The following DDX27 variants were observed in gnomAD, a reference collection of about 807,000 sequenced individuals.
DDX27 encodes the protein probable ATP-dependent RNA helicase DDX27.
DDX27 carries 42 observed loss-of-function variants against 99.3 expected under a neutral mutation model. That is an observed-to-expected ratio of 0.42 (90% CI 0.33 to 0.55). The LOEUF is 0.55. DDX27 is among the 20% of genes least tolerant of loss of function. The pLI, the probability that DDX27 is intolerant of heterozygous loss-of-function variation, is 0.07. For synonymous variants in DDX27, 329 were observed against 353.8 expected (o/e 0.93, Z 0.79); for missense variants, 798 against 976.8 (o/e 0.82, Z 2.44).
intron 7 of DDX27, among the ~76,000 whole-genome samples, chr20:49,227,491 C>G (rs929001876): frequency 1.3e-5 from 2 of 150,898 alleles, no homozygotes; most frequent in African/African-American, 4.9e-5. Flanking sequence ...CTCAGCCTCC[C>G]CAGTAGCTGG....
intron 9 of DDX27, 81 bp from the exon 10 acceptor site, chr20:49,233,225 C>G: frequency 2.1e-6 from 2 of 940,770 alleles, no homozygotes; most frequent in Non-Finnish European, 3.4e-6. Flanking sequence ...CAACAAACAG[C>G]AGCCGGTATG....
At chr20:49,230,382 T>G (rs777347406) in intron 9 of DDX27, 33 bp downstream of exon 9, 1 of 1,587,754 alleles carries the variant, frequency 6.3e-7, no homozygotes, top group South Asian at 1.1e-5. Flanking sequence ...CAGGGCACTG[T>G]GGGGTTCCAA....
At chr20:49,227,839 T>A (rs1397077436) in intron 7 of DDX27, among the ~76,000 whole-genome samples, 1 of 7,218 alleles carries the variant, frequency 1.4e-4, no homozygotes. Context: ...GAGGAGGAAA[T>A]TTTTTTTTTT....
Position 49,242,616 on chromosome 20 carries a change from G to T in DDX27, c.2139G>T (p.Lys713Asn), listed in dbSNP as rs1332411305. The T allele has an allele frequency of 3.7e-6, 6 of 1,613,768 alleles. No homozygotes were observed. The highest frequency in any genetic ancestry group is 4.2e-6 in the Non-Finnish European group (5 of 1,179,860). ...RGPAKKQKQG[K>N]KSVFDEELTN... The stretch of plus-strand genomic sequence containing the variant: ...CAGCCAAGAAGCAAAAGCAGGGGAA[G>T]AAATCTGTATTTGATGAAGAACTCA... The change falls in exon 19 of 21, where the codon AAG becomes AAT. Residue 713 changes from lysine to asparagine, a missense_variant. Around this residue, in one of 2 missense-constraint regions of DDX27, gnomAD observed 553 missense variants for 727.9 expected, o/e 0.76. Coordinates refer to ENST00000618172, the MANE Select transcript of DDX27 (RefSeq NM_017895.8).
At chr20:49,226,062 A>G (rs1342927798) in intron 6 of DDX27, among the ~76,000 whole-genome samples, 1 of 151,940 alleles carries the variant, frequency 6.6e-6, no homozygotes, top group African/African-American at 2.4e-5. Context: ...TCAGGGTTCA[A>G]CTCAGTATCC....
Position 49,234,988 on chromosome 20 carries a change from A to C in DDX27, c.1327A>C (p.Lys443Gln), listed in dbSNP as rs773768766. 4 of 1,613,188 alleles carry C rather than the reference A, an allele frequency of 2.5e-6. No individual in the cohort carries two copies. The African/African-American group carries it at 5.3e-5, about 22-fold the overall frequency. Residue 443 changes from lysine to glutamine, a missense_variant, in exon 12 of 21, where the codon AAG becomes CAG. Lys to Gln is a moderately conservative substitution (Grantham distance 53, BLOSUM62 1). Transcript: ENST00000618172. ...DHVMLFTQTK[K>Q]QAHRMHILLG... ...TGTGATGCTGTTCACGCAAACCAAG[A>C]AGCAGGCCCACCGCATGCACATCCT...
chr20:49,236,686 T>C lies in DDX27; in HGVS notation c.1687+176T>C, dbSNP rs981383952. On this transcript the variant is annotated intron_variant, in intron 14 of 20. Coordinates refer to ENST00000618172, the MANE Select transcript of DDX27 (RefSeq NM_017895.8). The surrounding 1 kb of genome is among the most constrained non-coding windows in gnomAD (Gnocchi z 4.1). ...ACCTCACCTCTCTGAGCTTGCCTCC[T>C]GTGTGTAGAAGGGAATTATGACAGA... is the stretch of plus-strand genomic sequence containing the variant. 2.0e-5 allele frequency among the ~76,000 whole-genome samples: 3 copies of C among 152,174 alleles called. No individual in the cohort carries two copies. The highest frequency in any genetic ancestry group is 4.4e-5 in the Non-Finnish European group (3 of 68,026).
rs1408473808 is a variant in DDX27, at chr20:49,219,464, G to A, written c.16G>A (p.Gly6Ser). Residue 6 changes from glycine to serine, a missense_variant, in exon 1 of 21, where the codon GGC becomes AGC. Around this residue, in one of 2 missense-constraint regions of DDX27, gnomAD observed 245 missense variants for 248.8 expected, o/e 0.98. Transcript: ENST00000618172. ...CTGCGACAACATGCTTGCGGACCTC[G>A]GCTTAATCGGAACCATAGGCGAGGA... MLADL[G>S]LIGTIGEDDE... 1 of 1,613,958 alleles carries A rather than the reference G, an allele frequency of 6.2e-7. No homozygotes were observed. Among genetic ancestry groups the A allele is most frequent in the Non-Finnish European group, 8.5e-7 (1 of 1,180,006 alleles).
intron 9 of DDX27, 28 bp from the exon 10 acceptor site, chr20:49,233,277 AT>A (rs1207160702): frequency 1.3e-6 from 2 of 1,582,880 alleles, no homozygotes. Context: ...CACTCTCTCC[AT>A]TTCTGCCATG....
chr20:49,231,282 T>C (rs541754598), intron 9 of DDX27, among the ~76,000 whole-genome samples: 1 of 152,310 alleles, frequency 6.6e-6, no homozygotes, highest in Admixed American at 6.5e-5. Context: ...GGGCTACTGC[T>C]ATACTCCCAT....
At chr20:49,226,357 A>T (rs1225905353) in intron 6 of DDX27, 73 bp from the exon 7 acceptor site, 1 of 1,188,986 alleles carries the variant, frequency 8.4e-7, no homozygotes, top group East Asian at 2.5e-5. Context: ...ACTTGTCTGG[A>T]AACCTGCCCT....
intron 1 of DDX27, among the ~76,000 whole-genome samples, chr20:49,220,789 T>TTGTC (rs142723542): frequency 0.33 from 49,570 of 151,736 alleles, 8,894 homozygotes; most frequent in East Asian, 0.49. Context: ...GGGGAATTGT[T>TTGTC]TGTGTTTGTT....
chr20:49,231,588 T>TA (rs2146713672), intron 9 of DDX27, among the ~76,000 whole-genome samples: 1 of 152,274 alleles, frequency 6.6e-6, no homozygotes, highest in Admixed American at 6.5e-5. Context: ...AGAAATGCTG[T>TA]AAGGGGTTGG....
chr20:49,223,575 T>TTC (rs1160308528), intron 4 of DDX27, 142 bp downstream of exon 4: 1 of 629,842 alleles, frequency 1.6e-6, no homozygotes, highest in East Asian at 3.9e-5. Flanking sequence ...TTTCTTTCTT[T>TTC]TTTTTTTTTT....
At chr20:49,229,027 AGACTT>A in intron 8 of DDX27, 139 bp downstream of exon 8, 1 of 623,852 alleles carries the variant, frequency 1.6e-6, no homozygotes, top group Non-Finnish European at 2.3e-6. Context: ...AAAAACTGGA[AGACTT>A]TTTTTTTTTT....
intron 16 of DDX27, 27 bp downstream of exon 16, chr20:49,239,365 C>T (rs1421186458): frequency 6.5e-7 from 1 of 1,550,128 alleles, no homozygotes. Context: ...CCGCAGAAAT[C>T]TAAATACAGA....
At chr20:49,226,906 A>T (rs1465673824) in intron 7 of DDX27, among the ~76,000 whole-genome samples, 3 of 110,904 alleles carry the variant, frequency 2.7e-5, no homozygotes, top group African/African-American at 3.6e-5. Flanking sequence ...TCTGTCGCCC[A>T]GGCTGGAGTG....
chr20:49,230,772 C>T (rs958647441), intron 9 of DDX27, among the ~76,000 whole-genome samples: 2 of 152,152 alleles, frequency 1.3e-5, no homozygotes, highest in East Asian at 1.9e-4. Context: ...CCCCACCCCG[C>T]CCCCCAGCTC....
chr20:49,231,750 T>C (rs1172734836), intron 9 of DDX27, among the ~76,000 whole-genome samples: 1 of 152,158 alleles, frequency 6.6e-6, no homozygotes, highest in Non-Finnish European at 1.5e-5. Flanking sequence ...GCCGTCAGTA[T>C]CTCATGATGG....
Sources: gnomAD v4.1 joint callset for allele counts (sites outside exome capture counted in the v4.1 genomes callset) on GRCh38, gnomAD v4.1.1 for gene constraint, gnomAD v4.1.1 regional missense constraint, Gnocchi (gnomAD v3.1) non-coding constraint, MANE v1.5 for transcripts, NCBI Gene and HGNC (gene_info 2026-07-23, HGNC 2026-07-21) for gene names.